Variants in SDAD1 observed in about 807,000 individuals in gnomAD.
SDAD1 encodes the protein SDA1 domain containing 1.
SDAD1 carries 79 observed loss-of-function variants against 100.3 expected under a neutral mutation model. That is an observed-to-expected ratio of 0.79 (90% confidence interval 0.66 to 0.95). The LOEUF (loss-of-function observed/expected upper bound fraction) is 0.95. SDAD1 is among the 40% of genes least tolerant of loss of function. SDAD1 has a pLI of 0.00. For missense variants in SDAD1, 790 were observed against 810.9 expected (o/e 0.97, Z 0.31); for synonymous variants, 267 against 271.4 (o/e 0.98, Z 0.16).
At chr4:75,960,006 A>C in intron 17 of SDAD1, 60 bp downstream of exon 17, 1 of 1,508,146 alleles carries the variant, frequency 6.6e-7, no homozygotes, top group Non-Finnish European at 8.9e-7. Context: ...TACAATTTAA[A>C]GGTCTGCACA....
chr4:75,961,049 C>T lies in SDAD1; in HGVS notation c.1335G>A (p.Gln445=). ...LIHLFRTLNP[Q]MLQKKFRGKP... is the part of the protein sequence containing the mutation. Reference sequence around the variant, plus strand: ...CTACCCGGAATTTCTTCTGCAGCATCTGAGGATTCAGTGTTCGGAAGAGGT... The same window carrying T: ...CTACCCGGAATTTCTTCTGCAGCATTTGAGGATTCAGTGTTCGGAAGAGGT... The change falls in exon 16 of 22, where the codon CAG becomes CAA. Residue 445 remains glutamine (Q), a synonymous_variant. Transcript: ENST00000356260. The T allele has an allele frequency of 6.2e-7, 1 of 1,613,972 alleles. No homozygotes were observed. Among genetic ancestry groups the T allele is most frequent in the Non-Finnish European group, 8.5e-7 (1 of 1,179,970 alleles).
intron 21 of SDAD1, among the ~76,000 whole-genome samples, chr4:75,951,635 T>C (rs919420396): frequency 1.8e-4 from 28 of 152,098 alleles, no homozygotes; most frequent in Non-Finnish European, 3.7e-4. Flanking sequence ...ATCCCCAGGG[T>C]AGAACTGGAA....
chr4:75,959,670 T>C (rs1027894001), intron 17 of SDAD1, among the ~76,000 whole-genome samples: 1 of 152,016 alleles, frequency 6.6e-6, no homozygotes, highest in East Asian at 1.9e-4. Context: ...CTCTGGAAAT[T>C]AGAATGGAGT....
At chr4:75,970,234 T>C in intron 10 of SDAD1, 75 bp downstream of exon 10, 2 of 1,270,942 alleles carry the variant, frequency 1.6e-6, no homozygotes, top group South Asian at 2.5e-5. Flanking sequence ...TTATATTCCC[T>C]GAAAACCCCA....
chr4:75,957,250 G>T, intron 20 of SDAD1, 75 bp downstream of exon 20: 2 of 1,222,604 alleles, frequency 1.6e-6, no homozygotes, highest in Non-Finnish European at 2.4e-6. Flanking sequence ...CCATTCTGTG[G>T]CTATACAAGT....
chr4:75,957,985 C>G, intron 17 of SDAD1, 44 bp from the exon 18 acceptor site: 1 of 1,468,662 alleles, frequency 6.8e-7, no homozygotes, highest in Non-Finnish European at 9.5e-7. Context: ...TTATGTTGCA[C>G]ATTCAACATA....
At position 75,960,128 on chromosome 4, in the gene SDAD1, T is replaced by C. The variant is rs924041947; in HGVS notation, c.1421A>G (p.Asp474Gly). The change falls in exon 17 of 22, where the codon GAT (aspartate) becomes GGT (glycine). Residue 474 changes from aspartate (D) to glycine (G), a missense_variant. Asp to Gly is a moderately conservative substitution (Grantham distance 94, BLOSUM62 -1). Transcript: ENST00000356260. ...CAGAACTTCTGCTCCTGGAATGTAA[T>C]CTTTAGCATCTAATTCTCCATATTC... ...VQEYGELDAK[D>G]YIPGAEVLEV... 1 of 1,612,270 alleles carries C rather than the reference T, an allele frequency of 6.2e-7. No homozygotes were observed. Among genetic ancestry groups the C allele is most frequent in the Middle Eastern group, 1.9e-4 (1 of 5,152 alleles).
chr4:75,982,748 T>C (rs1015154477), intron 1 of SDAD1, among the ~76,000 whole-genome samples: 2 of 152,094 alleles, frequency 1.3e-5, no homozygotes, highest in South Asian at 2.1e-4. Flanking sequence ...AAATTATATC[T>C]CAAGTACATG....
Position 75,974,120 on chromosome 4 carries a change from T to C in SDAD1, c.592A>G (p.Thr198Ala), listed in dbSNP as rs1433704061. The C allele has an allele frequency of 3.1e-6, 5 of 1,613,444 alleles. No homozygotes were observed. The highest frequency in any genetic ancestry group is 4.2e-6 in the Non-Finnish European group (5 of 1,179,626). The change falls in exon 7 of 22, where the codon ACT becomes GCT. Residue 198 changes from threonine to alanine, a missense_variant. By Grantham distance (58) the Thr-to-Ala change is moderately conservative. Coordinates refer to ENST00000356260, the MANE Select transcript of SDAD1 (RefSeq NM_018115.4). ...YRRNIWNDAK[T>A]VNVITTACFS... ...CATGCAGTTGTGATAACATTGACAG[T>C]TTTTGCATCATTCCTGGGGGAAGAC...
At chr4:75,976,615 G>A (rs1730172432) in intron 4 of SDAD1, among the ~76,000 whole-genome samples, 1 of 152,062 alleles carries the variant, frequency 6.6e-6, no homozygotes, top group Admixed American at 6.5e-5. Flanking sequence ...TTCTTTTGGG[G>A]GTGACAAAAT....
intron 20 of SDAD1, among the ~76,000 whole-genome samples, chr4:75,956,456 G>A (rs374403128): frequency 2.2e-4 from 33 of 151,636 alleles, no homozygotes; most frequent in African/African-American, 7.2e-4. Context: ...GGGAAAGGAG[G>A]GGAAAGACAG....
chr4:75,978,498 T>C (rs1730287059), intron 3 of SDAD1, among the ~76,000 whole-genome samples: 1 of 152,010 alleles, frequency 6.6e-6, no homozygotes, highest in South Asian at 2.1e-4. Flanking sequence ...CTGATGCGCC[T>C]AGCAGCTGTG....
Position 75,975,858 on chromosome 4 carries a change from GGAGA to G in SDAD1, c.478-18_478-15del. On this transcript the variant is annotated splice_polypyrimidine_tract_variant and intron_variant, in intron 5 of 21. Transcript: ENST00000356260. ...ATTTTGCAATACCTGCAGAAAAGGA[GGAGA>G]AAGAAGACTTAATGCACTGATGGTA... The G allele has an allele frequency of 6.2e-7, 1 of 1,610,856 alleles. No homozygotes were observed. Among genetic ancestry groups the G allele is most frequent in the African/African-American group, 1.3e-5 (1 of 74,964 alleles).
chr4:75,965,295 G>C (rs1227989590), intron 13 of SDAD1, among the ~76,000 whole-genome samples: 1 of 152,120 alleles, frequency 6.6e-6, no homozygotes, highest in African/African-American at 2.4e-5. Flanking sequence ...ATAAATTTTG[G>C]TCAGACTGGC....
At chr4:75,959,298 G>T (rs1404431551) in intron 17 of SDAD1, among the ~76,000 whole-genome samples, 2 of 151,654 alleles carry the variant, frequency 1.3e-5, no homozygotes, top group Non-Finnish European at 2.9e-5. Flanking sequence ...CACAACAAAT[G>T]CTTAAGAGGG....
intron 16 of SDAD1, among the ~76,000 whole-genome samples, chr4:75,960,765 C>T (rs1033295050): frequency 4.6e-5 from 7 of 152,130 alleles, no homozygotes; most frequent in African/African-American, 7.2e-5. Flanking sequence ...TTTGAGATTC[C>T]GATCTGTTAA....
At chr4:75,956,788 G>T (rs970391609) in intron 20 of SDAD1, among the ~76,000 whole-genome samples, 9 of 152,172 alleles carry the variant, frequency 5.9e-5, no homozygotes, top group African/African-American at 2.2e-4. Flanking sequence ...TTTGAGTGGT[G>T]GTTACATGGC....
chr4:75,978,281 G>A (rs977779531), intron 3 of SDAD1, among the ~76,000 whole-genome samples: 1 of 148,272 alleles, frequency 6.7e-6, no homozygotes, highest in African/African-American at 2.5e-5. Context: ...ATATTGCCTA[G>A]GCTAGTCTTG....
chr4:75,957,320 C>T lies in SDAD1; in HGVS notation c.1854+5G>A. 1.2e-6 allele frequency: 2 copies of T among 1,611,714 alleles called. No homozygotes were observed. The highest frequency in any genetic ancestry group is 1.1e-5 in the South Asian group (1 of 90,742). ...TAAAAAACTAGGAATGATATGCTCA[C>T]TCACCATTGCAGTTGCTAGTCTTGT... On this transcript the variant is annotated splice_donor_5th_base_variant and intron_variant, in intron 20 of 21. Coordinates refer to ENST00000356260, the MANE Select transcript of SDAD1 (RefSeq NM_018115.4).
Sources: allele counts gnomAD v4.1 joint callset (sites outside exome capture counted in the v4.1 genomes callset), GRCh38; gene constraint gnomAD v4.1.1; transcripts MANE v1.5; gene names NCBI Gene and HGNC (gene_info 2026-07-23, HGNC 2026-07-21).